Variants in PRELID2 observed in about 807,000 individuals in gnomAD.
PRELID2 encodes the protein PRELI domain-containing protein 2.
In PRELID2, 25 loss-of-function variants were observed where a neutral mutation model predicts 28.4. That is an observed-to-expected ratio of 0.88 (90% CI 0.64 to 1.23). The LOEUF (loss-of-function observed/expected upper bound fraction) is 1.23. Among genes scored for constraint, PRELID2 ranks in the 50% most tolerant of loss-of-function variants. PRELID2 has a pLI of 0.00. For missense variants in PRELID2, 201 were observed against 214.4 expected, an observed-to-expected ratio of 0.94 and a Z score of 0.39; for synonymous variants, 76 against 71.6, an observed-to-expected ratio of 1.06 and a Z score of -0.31.
intron 1 of PRELID2, among the ~76,000 whole-genome samples, chr5:145,714,678 T>C (rs1755794331): frequency 6.6e-6 from 1 of 152,182 alleles, no homozygotes; most frequent in African/African-American, 2.4e-5. Context: ...CTGATTCTAA[T>C]ATCTGTGTCG....
chr5:145,736,244 G>A (rs1756492525), intron 1 of PRELID2, among the ~76,000 whole-genome samples: 1 of 152,114 alleles, frequency 6.6e-6, no homozygotes, highest in Admixed American at 6.5e-5. Context: ...TAAAAATAAA[G>A]TGCTAAAAAT....
chr5:145,588,484 T>C (rs1405485613), intron 1 of PRELID2, among the ~76,000 whole-genome samples: 2 of 152,180 alleles, frequency 1.3e-5, no homozygotes, highest in Non-Finnish European at 2.9e-5. Context: ...AATAGACCTG[T>C]AATCCACCCA....
At chr5:145,325,126 T>TA in the PRELID2 span, among the ~76,000 whole-genome samples, 3 of 151,882 alleles carry the variant, frequency 2.0e-5, no homozygotes, top group South Asian at 2.1e-4. Context: ...TTTAAACTTT[T>TA]AAAAACATGC....
chr5:145,794,098 T>C (rs1407289554), intron 5 of PRELID2, among the ~76,000 whole-genome samples: 1 of 152,158 alleles, frequency 6.6e-6, no homozygotes, highest in Non-Finnish European at 1.5e-5. Context: ...TCTATTAATA[T>C]ATAATATGTA....
chr5:145,518,707 A>C (rs2126647779), intron 1 of PRELID2, among the ~76,000 whole-genome samples: 1 of 152,336 alleles, frequency 6.6e-6, no homozygotes, highest in South Asian at 2.1e-4. Context: ...GTTGTTCTCA[A>C]GCAGGTGCAA....
At chr5:145,403,500 C>T in the PRELID2 span, among the ~76,000 whole-genome samples, 1 of 152,168 alleles carries the variant, frequency 6.6e-6, no homozygotes, top group Non-Finnish European at 1.5e-5. Context: ...GAGGTCTCCC[C>T]ATGCTGGCCC....
At chr5:145,674,268 G>A (rs1754769419) in intron 1 of PRELID2, among the ~76,000 whole-genome samples, 1 of 152,036 alleles carries the variant, frequency 6.6e-6, no homozygotes, top group Admixed American at 6.5e-5. Context: ...CCATTAACTT[G>A]TCATTTACAT....
intron 1 of PRELID2, among the ~76,000 whole-genome samples, chr5:145,667,446 T>C (rs969165942): frequency 1.8e-4 from 28 of 152,126 alleles, no homozygotes; most frequent in Non-Finnish European, 2.2e-4. Context: ...ATTTAATCTT[T>C]ACAACAAGTT....
chr5:145,618,302 C>T (rs1323558908), intron 1 of PRELID2, among the ~76,000 whole-genome samples: 4 of 152,144 alleles, frequency 2.6e-5, no homozygotes, highest in African/African-American at 9.7e-5. Flanking sequence ...CCTTCTCATT[C>T]GGATAGGCTC....
the PRELID2 span, among the ~76,000 whole-genome samples, chr5:145,401,552 C>T: frequency 3.3e-5 from 5 of 152,030 alleles, no homozygotes; most frequent in African/African-American, 1.2e-4. Flanking sequence ...ACAAGCTCAC[C>T]TCTTTCCGCT....
the PRELID2 span, among the ~76,000 whole-genome samples, chr5:145,422,314 T>C: frequency 6.6e-6 from 1 of 152,020 alleles, no homozygotes; most frequent in East Asian, 1.9e-4. Context: ...CGTTGATGTG[T>C]CTAATGTTGA....
At chr5:145,512,664 T>A (rs1241153227) in intron 1 of PRELID2, among the ~76,000 whole-genome samples, 2 of 152,138 alleles carry the variant, frequency 1.3e-5, no homozygotes, top group East Asian at 3.9e-4. Flanking sequence ...CTCAAGTGGG[T>A]CCCTGACCCC....
intron 5 of PRELID2, among the ~76,000 whole-genome samples, chr5:145,788,954 T>C (rs1752185201): frequency 6.6e-6 from 1 of 151,978 alleles, no homozygotes; most frequent in African/African-American, 2.4e-5. Flanking sequence ...ACCAACGCAG[T>C]AAAAGATCTC....
the PRELID2 span, among the ~76,000 whole-genome samples, chr5:145,234,153 G>C: frequency 6.6e-6 from 1 of 152,110 alleles, no homozygotes; most frequent in Non-Finnish European, 1.5e-5. Flanking sequence ...TCTGCTCATA[G>C]ATACTTAGTA....
chr5:145,363,754 A>G, the PRELID2 span, among the ~76,000 whole-genome samples: 1 of 152,026 alleles, frequency 6.6e-6, no homozygotes, highest in East Asian at 1.9e-4. Flanking sequence ...TGCCTTCCAA[A>G]TAATATTTGC....
the PRELID2 span, among the ~76,000 whole-genome samples, chr5:145,406,014 C>G: frequency 3.3e-5 from 5 of 152,062 alleles, no homozygotes; most frequent in Non-Finnish European, 4.4e-5. Context: ...TGGTACCACA[C>G]ACTTTTAAAC....
At chr5:145,773,457 C>T (rs1352412979) in intron 5 of PRELID2, among the ~76,000 whole-genome samples, 4 of 152,178 alleles carry the variant, frequency 2.6e-5, no homozygotes, top group African/African-American at 9.7e-5. Flanking sequence ...TTTATTTTTC[C>T]TCACTTGCAC....
At chr5:145,434,950 G>T in the PRELID2 span, among the ~76,000 whole-genome samples, 1 of 152,108 alleles carries the variant, frequency 6.6e-6, no homozygotes, top group Non-Finnish European at 1.5e-5. Flanking sequence ...CATTTTTGAC[G>T]TATTATTTTA....
At chr5:145,492,343 T>TAATACTCCCTTCTCC (rs1389027055) in intron 1 of PRELID2, among the ~76,000 whole-genome samples, 3 of 143,534 alleles carry the variant, frequency 2.1e-5, no homozygotes, top group Admixed American at 6.9e-5. Context: ...AAATGTCTAT[T>TAATACTCCCTTCTCC]CAGGTCCTTT....
Sources: gnomAD v4.1 joint callset for allele counts (sites outside exome capture counted in the v4.1 genomes callset) on GRCh38, gnomAD v4.1.1 for gene constraint, MANE v1.5 for transcripts, NCBI Gene and HGNC (gene_info 2026-07-23, HGNC 2026-07-21) for gene names.